The following CWH43 variants were observed in gnomAD, a reference collection of about 807,000 sequenced individuals.
The protein encoded by CWH43 is PGAP2-interacting protein.
A neutral mutation model predicts 85.7 loss-of-function variants in CWH43; 91 were observed. The observed-to-expected ratio is 1.06, with a 90% CI of 0.90 to 1.26. CWH43 has a LOEUF of 1.26. CWH43 is among the 50% of genes most tolerant of loss of function. The pLI, the probability that CWH43 is intolerant of heterozygous loss-of-function variation, is 0.00. For synonymous variants in CWH43, 323 were observed against 293.6 expected (o/e 1.10, Z -1.02); for missense variants, 869 against 839.2 (o/e 1.04, Z -0.44).
intron 8 of CWH43, among the ~76,000 whole-genome samples, chr4:49,007,910 T>A (rs1388167331): frequency 6.6e-6 from 1 of 152,220 alleles, no homozygotes; most frequent in Admixed American, 6.5e-5. Flanking sequence ...TTTGCTATTG[T>A]GAATAGTGCT....
intron 12 of CWH43, among the ~76,000 whole-genome samples, chr4:49,037,103 T>C (rs886882931): frequency 6.6e-6 from 1 of 152,218 alleles, no homozygotes; most frequent in Non-Finnish European, 1.5e-5. Context: ...ATCTAGGGTG[T>C]TTCTGTTTTC....
At chr4:49,029,948 G>A (rs1442611961) in intron 10 of CWH43, among the ~76,000 whole-genome samples, 3 of 152,168 alleles carry the variant, frequency 2.0e-5, no homozygotes, top group Non-Finnish European at 4.4e-5. Flanking sequence ...AGTGACTGGG[G>A]CCAGTGCAGG....
intron 6 of CWH43, among the ~76,000 whole-genome samples, chr4:49,001,938 G>A (rs944045903): frequency 1.3e-5 from 2 of 151,990 alleles, no homozygotes; most frequent in African/African-American, 4.8e-5. Flanking sequence ...TAGCATTTTC[G>A]ACCTTAATTT....
intron 14 of CWH43, among the ~76,000 whole-genome samples, chr4:49,046,668 G>A (rs1158567477): frequency 6.6e-6 from 1 of 152,134 alleles, no homozygotes; most frequent in Non-Finnish European, 1.5e-5. Context: ...CTGAGGAAGA[G>A]CACTTCAGGC....
intron 2 of CWH43, 130 bp from the exon 3 acceptor site, chr4:48,991,324 T>C: frequency 1.1e-6 from 1 of 870,356 alleles, no homozygotes; most frequent in Non-Finnish European, 1.7e-6. Flanking sequence ...TAAATACATA[T>C]ATAAAATTAT....
chr4:49,011,673 C>A (rs1783365161), intron 8 of CWH43, among the ~76,000 whole-genome samples: 1 of 152,112 alleles, frequency 6.6e-6, no homozygotes, highest in Non-Finnish European at 1.5e-5. Context: ...TTAGGGCAGG[C>A]CTGGTGGTGG....
intron 13 of CWH43, among the ~76,000 whole-genome samples, chr4:49,044,273 T>A (rs1436982931): frequency 6.6e-6 from 1 of 152,168 alleles, no homozygotes; most frequent in Non-Finnish European, 1.5e-5. Flanking sequence ...ATGATTCAAT[T>A]TAAGAAACAC....
At position 49,017,225 on chromosome 4, in the gene CWH43, C is replaced by A. The variant is rs752977699; in HGVS notation, c.1187-24C>A. ...TTATTTTATTTATTTTAAAAAAACC[C>A]AATTATTTCTTTTTTCTGTTTAGTT... On this transcript the variant is annotated intron_variant, in intron 8 of 15. Coordinates refer to ENST00000226432, the MANE Select transcript of CWH43 (RefSeq NM_025087.3). 8.2e-6 allele frequency: 13 copies of A among 1,579,806 alleles called. No homozygotes were observed. In the South Asian group the frequency reaches 1.3e-4, roughly 15 times the overall value.
At position 49,031,532 on chromosome 4, in the gene CWH43, GT is replaced by G. The variant is rs1304100353; in HGVS notation, c.1508+573del. On this transcript the variant is annotated intron_variant, in intron 11 of 15. Coordinates refer to ENST00000226432, the MANE Select transcript of CWH43 (RefSeq NM_025087.3). Reference sequence around the variant, plus strand: ...AGCATGGGGGGCCAAAGAGCAACTGGTAAGAAAGGAAGTCAAGGATGGGAAC... The same window carrying G: ...AGCATGGGGGGCCAAAGAGCAACTGGAAGAAAGGAAGTCAAGGATGGGAAC... Among the ~76,000 whole-genome samples, 4 of 152,124 alleles carry G rather than the reference GT, an allele frequency of 2.6e-5. No homozygotes were observed. The East Asian group carries it at 7.7e-4, about 29-fold the overall frequency.
At chr4:49,004,184 T>G (rs561619870) in intron 7 of CWH43, among the ~76,000 whole-genome samples, 192 bp downstream of exon 7, 137 of 152,348 alleles carry the variant, frequency 9.0e-4, no homozygotes, top group Admixed American at 2.0e-3. Context: ...TCAAATGTAT[T>G]AATTTACCAG....
intron 9 of CWH43, among the ~76,000 whole-genome samples, chr4:49,020,416 C>CACACAT (rs140534523): frequency 1.0e-3 from 128 of 128,386 alleles, no homozygotes; most frequent in African/African-American, 2.8e-3. Context: ...CACACACACA[C>CACACAT]ATATATATAT....
chr4:49,023,246 A>C (rs1314135219), intron 9 of CWH43, among the ~76,000 whole-genome samples: 2 of 152,206 alleles, frequency 1.3e-5, no homozygotes, highest in Non-Finnish European at 2.9e-5. Context: ...CACTATTATC[A>C]TTCAGTTCAA....
chr4:49,020,153 C>T (rs1334926009), intron 9 of CWH43, among the ~76,000 whole-genome samples: 1 of 152,044 alleles, frequency 6.6e-6, no homozygotes, highest in Non-Finnish European at 1.5e-5. Context: ...TTATTCCTCA[C>T]TCCCTCCCAC....
chr4:49,029,837 C>A (rs990805526), intron 10 of CWH43, among the ~76,000 whole-genome samples: 1 of 152,318 alleles, frequency 6.6e-6, no homozygotes, highest in East Asian at 1.9e-4. Flanking sequence ...CCTTTGCTCA[C>A]GTTTTCCTGC....
intron 8 of CWH43, among the ~76,000 whole-genome samples, chr4:49,014,942 G>A (rs1444517793): frequency 1.3e-5 from 2 of 152,134 alleles, no homozygotes; most frequent in Non-Finnish European, 2.9e-5. Context: ...CAGTTTAGGA[G>A]TTTTGACAAA....
At chr4:49,016,854 A>G (rs1783563204) in intron 8 of CWH43, 4 of 782,396 alleles carry the variant, frequency 5.1e-6, no homozygotes, top group Non-Finnish European at 9.5e-6. Context: ...CTCCCCAAAG[A>G]CATGCCTTCT....
chr4:49,006,063 T>G (rs1292200563), intron 7 of CWH43, among the ~76,000 whole-genome samples: 1 of 152,240 alleles, frequency 6.6e-6, no homozygotes. Flanking sequence ...GTGGTAACCT[T>G]GGCTTTGCAA....
intron 1 of CWH43, 174 bp downstream of exon 1, chr4:48,986,646 G>A (rs937086264): frequency 1.4e-6 from 2 of 1,409,786 alleles, no homozygotes; most frequent in African/African-American, 3.0e-5. Context: ...GGGAATAAAG[G>A]AAAAGACCTA....
intron 11 of CWH43, among the ~76,000 whole-genome samples, chr4:49,031,888 C>T (rs1441800924): frequency 6.6e-6 from 1 of 152,166 alleles, no homozygotes; most frequent in African/African-American, 2.4e-5. Context: ...GGAATGGGAA[C>T]CATCAGGAGA....
Sources: allele counts gnomAD v4.1 joint callset (sites outside exome capture counted in the v4.1 genomes callset), GRCh38; gene constraint gnomAD v4.1.1; transcripts MANE v1.5; gene names NCBI Gene and HGNC (gene_info 2026-07-23, HGNC 2026-07-21).